Variants in UNC13B observed in about 807,000 individuals in gnomAD.
UNC13B encodes protein unc-13 homolog B.
A neutral mutation model predicts 211.0 loss-of-function variants in UNC13B; 144 were observed. The ratio of observed to expected loss-of-function variants is 0.68; its 90% CI spans 0.60 to 0.78. The LOEUF (loss-of-function observed/expected upper bound fraction) is 0.78, where lower values mean the gene tolerates loss of function less well. Among genes scored for constraint, UNC13B ranks in the 30% least tolerant of loss-of-function variants. The pLI is 0.00. For synonymous variants in UNC13B, 709 were observed against 725.8 expected (o/e 0.98, Z 0.37); for missense variants, 1,777 against 2,002.0 (o/e 0.89, Z 2.14).
chr9:35,356,456 G>A (rs1284445508), intron 11 of UNC13B, among the ~76,000 whole-genome samples: 1 of 151,718 alleles, frequency 6.6e-6, no homozygotes, highest in Non-Finnish European at 1.5e-5. Flanking sequence ...TTTTATTCCT[G>A]TCACTCCACC....
intron 2 of UNC13B, 96 bp downstream of exon 2, chr9:35,228,140 A>G: frequency 9.0e-7 from 1 of 1,111,000 alleles, no homozygotes; most frequent in Non-Finnish European, 1.3e-6. Flanking sequence ...AAATTCAGTA[A>G]TTTGATTCAT....
chr9:35,233,458 T>C (rs1234625003), intron 3 of UNC13B, among the ~76,000 whole-genome samples: 1 of 152,186 alleles, frequency 6.6e-6, no homozygotes, highest in East Asian at 1.9e-4. Flanking sequence ...TTAGCTACTT[T>C]CTCTACTTTT....
intron 23 of UNC13B, 91 bp downstream of exon 23, chr9:35,385,904 C>A: frequency 6.6e-7 from 1 of 1,507,682 alleles, no homozygotes; most frequent in Non-Finnish European, 9.0e-7. Context: ...GAGTCTGAGG[C>A]TACAGGATTC....
In UNC13B at chr9:35,389,980, A is replaced by C. The variant is rs373043399; in HGVS notation, c.11222+7A>C. ...ACACACCTGTTCTGAACCAGTGAGT[A>C]TCACCCTCTTTGGCCCTGTCTGTTG... On this transcript the variant is annotated splice_region_variant and intron_variant, in intron 25 of 39. Coordinates refer to ENST00000635942, the MANE Select transcript of UNC13B (RefSeq NM_001371189.2). 18 of 1,613,426 alleles carry C rather than the reference A, an allele frequency of 1.1e-5. No homozygotes were observed. The Admixed American group carries it at 3.0e-4, about 27-fold the overall frequency.
chr9:35,187,735 T>C (rs1317176013), intron 1 of UNC13B, among the ~76,000 whole-genome samples: 1 of 152,134 alleles, frequency 6.6e-6, no homozygotes, highest in Non-Finnish European at 1.5e-5. Context: ...TACCTGTGAG[T>C]TGGGTGATCC....
intron 4 of UNC13B, 45 bp downstream of exon 4, chr9:35,236,631 T>C (rs754615389): frequency 2.0e-6 from 3 of 1,524,678 alleles, no homozygotes; most frequent in Non-Finnish European, 2.7e-6. Flanking sequence ...TCCCAGCCCA[T>C]GCTTCTCCCC....
intron 1 of UNC13B, among the ~76,000 whole-genome samples, chr9:35,166,078 T>C (rs978213600): frequency 6.0e-5 from 9 of 151,198 alleles, no homozygotes; most frequent in African/African-American, 1.2e-4. Context: ...TGGATTTTTT[T>C]CCCCCAAAAG....
chr9:35,234,714 T>C (rs1293950858), intron 3 of UNC13B, among the ~76,000 whole-genome samples: 1 of 152,232 alleles, frequency 6.6e-6, no homozygotes, highest in African/African-American at 2.4e-5. Flanking sequence ...CAGGAAATGC[T>C]AATTAAATGA....
rs1836486717 is a variant in UNC13B at position 35,403,656 on chromosome 9, G to T, written c.12737+57G>T. On this transcript the variant is annotated intron_variant, in intron 39 of 39. Coordinates refer to ENST00000635942, the MANE Select transcript of UNC13B (RefSeq NM_001371189.2). ...GGATGGGGGTAAGACTTGAGGGGTG[G>T]GGGGAGAGGAGGGCCCGGGGGGATG... The T allele has an allele frequency of 2.6e-6, 4 of 1,521,684 alleles. No individual in the cohort carries two copies. In the African/African-American group the frequency reaches 4.2e-5, roughly 16 times the overall value. The allele number at this position is 1,521,684 out of a possible 1,614,324, so 94.3% of individuals were successfully genotyped here. A position where few individuals can be genotyped will look rare whatever the true frequency, so the allele number is the denominator to read the frequency against.
At position 35,301,465 on chromosome 9, in the gene UNC13B, G is replaced by T; in HGVS notation, c.2061G>T (p.Glu687Asp). 2.5e-6 allele frequency: 1 copy of T among 398,776 alleles called. No individual in the cohort carries two copies. The highest frequency in any genetic ancestry group is 4.4e-6 in the Non-Finnish European group (1 of 225,930). The allele number at this position is 398,776 out of a possible 1,614,324, so 24.7% of individuals were successfully genotyped here. ...SKPPRKESFVECGLELNKREG... is the reference protein window; with the variant it reads ...SKPPRKESFVDCGLELNKREG... ...CACCAAGAAAAGAAAGCTTTGTTGAGTGTGGTTTGGAGTTAAATAAAAGGG... is the reference window on the plus strand; with the variant it reads ...CACCAAGAAAAGAAAGCTTTGTTGATTGTGGTTTGGAGTTAAATAAAAGGG... Residue 687 changes from glutamate (E) to aspartate (D), a missense_variant, in exon 9 of 40, where the codon GAG becomes GAT. Physicochemically the swap from Glu to Asp is conservative, Grantham distance 45 (BLOSUM62 2). Transcript: ENST00000635942.
intron 6 of UNC13B, among the ~76,000 whole-genome samples, chr9:35,251,255 C>T (rs550576209): frequency 2.5e-4 from 38 of 152,170 alleles, no homozygotes; most frequent in Non-Finnish European, 4.6e-4. Context: ...TGAGTCACCG[C>T]GCCCGGCCTA....
intron 6 of UNC13B, among the ~76,000 whole-genome samples, chr9:35,250,576 G>A (rs564291992): frequency 9.9e-5 from 15 of 152,284 alleles, no homozygotes; most frequent in African/African-American, 3.4e-4. Flanking sequence ...GGACAGTTGG[G>A]TTGTTTCTCT....
At chr9:35,190,342 A>G (rs1170656848) in intron 1 of UNC13B, among the ~76,000 whole-genome samples, 1 of 152,196 alleles carries the variant, frequency 6.6e-6, no homozygotes, top group African/African-American at 2.4e-5. Flanking sequence ...GTATCCCTCC[A>G]TAACTACTAT....
At chr9:35,325,037 G>A (rs1830932479) in intron 11 of UNC13B, among the ~76,000 whole-genome samples, 1 of 152,216 alleles carries the variant, frequency 6.6e-6, no homozygotes, top group South Asian at 2.1e-4. Flanking sequence ...CCCACTAGAT[G>A]TGATTGGGCT....
chr9:35,222,146 C>T (rs933897895), intron 1 of UNC13B, among the ~76,000 whole-genome samples: 1 of 151,960 alleles, frequency 6.6e-6, no homozygotes, highest in African/African-American at 2.4e-5. Context: ...TGATCCTTTG[C>T]GTTTTCATAT....
intron 21 of UNC13B, among the ~76,000 whole-genome samples, chr9:35,383,432 A>C (rs1834987797): frequency 6.6e-6 from 1 of 152,182 alleles, no homozygotes; most frequent in Admixed American, 6.5e-5. Flanking sequence ...GAGTCTATGA[A>C]ATCTGACTTT....
intron 1 of UNC13B, among the ~76,000 whole-genome samples, chr9:35,183,108 T>C (rs10972373): frequency 0.83 from 108,394 of 131,138 alleles, 43,075 homozygotes; most frequent in East Asian, 0.89. Context: ...CTGGCAGAGG[T>C]GCTCCTCACC....
At chr9:35,296,453 C>G (rs1829364730) in intron 8 of UNC13B, among the ~76,000 whole-genome samples, 2 of 152,032 alleles carry the variant, frequency 1.3e-5, no homozygotes, top group Non-Finnish European at 2.9e-5. Context: ...AAAGAGTTTC[C>G]CACCCACACT....
chr9:35,298,732 G>A (rs1169072906), intron 8 of UNC13B, among the ~76,000 whole-genome samples: 1 of 152,170 alleles, frequency 6.6e-6, no homozygotes. Context: ...TAAGCTCCTA[G>A]CCTTTAGGTT....
Sources: gnomAD v4.1 joint callset for allele counts (sites outside exome capture counted in the v4.1 genomes callset) on GRCh38, gnomAD v4.1.1 for gene constraint, MANE v1.5 for transcripts, NCBI Gene and HGNC (gene_info 2026-07-23, HGNC 2026-07-21) for gene names.